The following TMEM132D variants were observed in gnomAD, a reference collection of about 807,000 sequenced individuals.
TMEM132D encodes the protein mature OL transmembrane protein.
In TMEM132D, 21 loss-of-function variants were observed where a neutral mutation model predicts 62.3. The ratio of observed to expected loss-of-function variants is 0.34; its 90% CI spans 0.24 to 0.49. The LOEUF is 0.49. TMEM132D is among the 20% of genes least tolerant of loss of function. The pLI, the probability that TMEM132D is intolerant of heterozygous loss-of-function variation, is 0.99. For synonymous variants in TMEM132D, 621 were observed against 575.6 expected (o/e 1.08, Z -1.13); for missense variants, 1,346 against 1,402.8 (o/e 0.96, Z 0.65).
At chr12:129,825,932 C>T (rs59617089) in intron 1 of TMEM132D, among the ~76,000 whole-genome samples, 16,817 of 152,120 alleles carry the variant, frequency 0.11, 1,182 homozygotes, top group Middle Eastern at 0.16. Flanking sequence ...GGCATGGTGG[C>T]GCATGCCTAT....
rs546657600 is a variant in TMEM132D at position 129,671,152 on chromosome 12, T to G, written c.968+28658A>C. On this transcript the variant is annotated intron_variant, in intron 2 of 8. Coordinates refer to ENST00000422113, the MANE Select transcript of TMEM132D (RefSeq NM_133448.3). ...AAAAATAATGTTTAATAATATTCCC[T>G]GCAAGGAAAATGGAAAAGTAAAAAA... 7.2e-5 allele frequency among the ~76,000 whole-genome samples: 11 copies of G among 152,276 alleles called. No homozygotes were observed. In the South Asian group the frequency reaches 2.3e-3, roughly 32 times the overall value.
At position 129,618,817 on chromosome 12, in the gene TMEM132D, CG is replaced by C. The variant is rs61281738; in HGVS notation, c.968+80992del. Among the ~76,000 whole-genome samples, 691 of 152,186 alleles carry C rather than the reference CG, an allele frequency of 4.5e-3. 4 individuals are homozygous for C. Among genetic ancestry groups the C allele is most frequent in the African/African-American group, 0.016 (665 of 41,510 alleles). The stretch of plus-strand genomic sequence containing the variant: ...AGGAGGTCCTGACATGTGCCCAAGG[CG>C]GTTGGGTACAGCTTGCTTTTATATA... On this transcript the variant is annotated intron_variant, in intron 2 of 8. Coordinates refer to ENST00000422113, the MANE Select transcript of TMEM132D (RefSeq NM_133448.3).
At chr12:129,452,841 A>G (rs956227034) in intron 3 of TMEM132D, among the ~76,000 whole-genome samples, 3 of 152,218 alleles carry the variant, frequency 2.0e-5, no homozygotes, top group African/African-American at 7.2e-5. Context: ...GGTATAACAT[A>G]TAGTTTCTTT....
intron 2 of TMEM132D, among the ~76,000 whole-genome samples, chr12:129,561,512 A>T (rs573277803): frequency 6.6e-6 from 1 of 152,202 alleles, no homozygotes; most frequent in Admixed American, 6.5e-5. Context: ...ACAGCAGACA[A>T]GAATTGGGAC....
intron 3 of TMEM132D, among the ~76,000 whole-genome samples, chr12:129,360,875 G>A (rs887538421): frequency 2.6e-5 from 4 of 152,128 alleles, no homozygotes; most frequent in Admixed American, 6.5e-5. Context: ...GTGGCTTGTT[G>A]AGCCTGTGTC....
intron 2 of TMEM132D, among the ~76,000 whole-genome samples, chr12:129,548,798 C>T (rs1876810951): frequency 6.6e-6 from 1 of 152,218 alleles, no homozygotes; most frequent in South Asian, 2.1e-4. Context: ...AAGTGGTTTA[C>T]TCAGAAATGC....
chr12:129,438,992 G>A (rs555893700), intron 3 of TMEM132D, among the ~76,000 whole-genome samples: 2 of 152,312 alleles, frequency 1.3e-5, no homozygotes, highest in Non-Finnish European at 2.9e-5. Flanking sequence ...CATCTCTGCT[G>A]TCCGTGATCT....
At chr12:129,780,481 A>C (rs1014852047) in intron 1 of TMEM132D, among the ~76,000 whole-genome samples, 4 of 152,132 alleles carry the variant, frequency 2.6e-5, no homozygotes, top group Non-Finnish European at 5.9e-5. Context: ...CAGAGCCCTC[A>C]TTCCTGGATA....
chr12:129,229,560 T>C (rs1279434679), intron 4 of TMEM132D, among the ~76,000 whole-genome samples: 1 of 152,158 alleles, frequency 6.6e-6, no homozygotes, highest in African/African-American at 2.4e-5. Flanking sequence ...GCATGTCAAA[T>C]TGTCAAAGGC....
intron 3 of TMEM132D, among the ~76,000 whole-genome samples, chr12:129,461,972 T>C (rs1486081984): frequency 6.6e-6 from 1 of 152,188 alleles, no homozygotes; most frequent in Non-Finnish European, 1.5e-5. Flanking sequence ...AGGGGATAGG[T>C]ATTATTATCT....
intron 2 of TMEM132D, among the ~76,000 whole-genome samples, chr12:129,590,244 C>T (rs265630): frequency 0.68 from 103,203 of 151,964 alleles, 35,269 homozygotes; most frequent in East Asian, 0.84. Flanking sequence ...ATGAGCAACC[C>T]CCATCCTTGC....
At chr12:129,533,619 G>T (rs151167341) in intron 2 of TMEM132D, among the ~76,000 whole-genome samples, 7 of 152,294 alleles carry the variant, frequency 4.6e-5, no homozygotes, top group African/African-American at 1.4e-4. Flanking sequence ...GAATTCAGAT[G>T]ATGTTTCTCC....
chr12:129,267,868 G>GA (rs1009000430), intron 4 of TMEM132D, among the ~76,000 whole-genome samples: 2 of 152,148 alleles, frequency 1.3e-5, no homozygotes, highest in African/African-American at 4.8e-5. Context: ...AGAGCCCTCA[G>GA]AAATAATGCT....
chr12:129,107,868 T>TTTA (rs1555230274), intron 5 of TMEM132D, among the ~76,000 whole-genome samples: 2 of 149,282 alleles, frequency 1.3e-5, no homozygotes, highest in African/African-American at 4.9e-5. Flanking sequence ...TTTTTTTTTT[T>TTTA]TATTTGTAGA....
chr12:129,658,555 A>C (rs1880154285), intron 2 of TMEM132D, among the ~76,000 whole-genome samples: 3 of 152,170 alleles, frequency 2.0e-5, no homozygotes, highest in African/African-American at 7.2e-5. Flanking sequence ...CCTCCCAGCA[A>C]CACGTAGCGT....
intron 1 of TMEM132D, among the ~76,000 whole-genome samples, chr12:129,889,950 T>C (rs1358270136): frequency 6.6e-6 from 1 of 152,168 alleles, no homozygotes; most frequent in East Asian, 1.9e-4. Context: ...TTAGGATCCT[T>C]GCATCCTTTC....
chr12:129,448,252 T>A (rs550459208), intron 3 of TMEM132D, among the ~76,000 whole-genome samples: 1 of 152,096 alleles, frequency 6.6e-6, no homozygotes, highest in East Asian at 1.9e-4. Flanking sequence ...TTATGGGGTA[T>A]ATGTGCAGGT....
chr12:129,440,159 C>T (rs150956418), intron 3 of TMEM132D, among the ~76,000 whole-genome samples: 1 of 152,274 alleles, frequency 6.6e-6, no homozygotes, highest in African/African-American at 2.4e-5. Flanking sequence ...CAAAGCTAGT[C>T]CAACAGGAAA....
chr12:129,293,611 T>A (rs1451392661), intron 4 of TMEM132D, among the ~76,000 whole-genome samples: 16 of 152,124 alleles, frequency 1.1e-4, no homozygotes, highest in Admixed American at 1.0e-3. Context: ...TTTCCTGCAA[T>A]GAGATGGTCC....
Sources: gnomAD v4.1 joint callset for allele counts (sites outside exome capture counted in the v4.1 genomes callset) on GRCh38, gnomAD v4.1.1 for gene constraint, MANE v1.5 for transcripts, NCBI Gene and HGNC (gene_info 2026-07-23, HGNC 2026-07-21) for gene names.